Variants in TNR observed in about 807,000 individuals in gnomAD.
TNR encodes the protein tenascin R.
Under a neutral mutation model 150.4 loss-of-function variants are expected in TNR, and 45 were observed. The ratio of observed to expected loss-of-function variants is 0.30; its 90% CI spans 0.24 to 0.38. The LOEUF (loss-of-function observed/expected upper bound fraction) is 0.38. TNR is among the 10% of genes least tolerant of loss of function. The pLI is 1.00. For missense variants in TNR, 1,544 were observed against 1,759.1 expected (o/e 0.88, Z 2.19); for synonymous variants, 687 against 678.4 (o/e 1.01, Z -0.20).
intron 2 of TNR, among the ~76,000 whole-genome samples, chr1:175,467,138 G>A (rs1423700575): frequency 6.6e-6 from 1 of 152,162 alleles, no homozygotes; most frequent in Non-Finnish European, 1.5e-5. Context: ...ATTCGATGCA[G>A]AGAACAGACC....
At chr1:175,671,943 G>A (rs1390678490) in intron 1 of TNR, among the ~76,000 whole-genome samples, 2 of 151,662 alleles carry the variant, frequency 1.3e-5, no homozygotes, top group Non-Finnish European at 2.9e-5. Context: ...GTGTGTGTGT[G>A]TGTGTGTTGG....
chr1:175,419,772 G>C (rs531255042), intron 2 of TNR, among the ~76,000 whole-genome samples: 1 of 152,100 alleles, frequency 6.6e-6, no homozygotes, highest in Non-Finnish European at 1.5e-5. Context: ...GTGAGCCACC[G>C]CACCTGGCCC....
At chr1:175,696,241 TTTTC>T (rs1379532907) in intron 1 of TNR, among the ~76,000 whole-genome samples, 10 of 144,582 alleles carry the variant, frequency 6.9e-5, no homozygotes, top group African/African-American at 2.5e-4. Flanking sequence ...TTTTTTTTTT[TTTTC>T]CAAAATTTAA....
At position 175,337,629 on chromosome 1, in the gene TNR, C is replaced by T; in HGVS notation, c.3433G>A (p.Gly1145Arg). ...GGGTAAACCCCACTCAAAGTGTCTCCATTCATCAAATGCTGGGCACAGTCT... is the reference window on the plus strand; with the variant it reads ...GGGTAAACCCCACTCAAAGTGTCTCTATTCATCAAATGCTGGGCACAGTCT... ...PQDCAQHLMN[G>R]DTLSGVYPIF... Residue 1145 changes from glycine (G) to arginine (R), a missense_variant, in exon 19 of 23, where the codon GGA (glycine) becomes AGA (arginine). By Grantham distance (125) the Gly-to-Arg change is moderately radical. Coordinates refer to ENST00000367674, the MANE Select transcript of TNR (RefSeq NM_003285.3). 1 of 1,614,222 alleles carries T rather than the reference C, an allele frequency of 6.2e-7. No homozygotes were observed. The highest frequency in any genetic ancestry group is 8.5e-7 in the Non-Finnish European group (1 of 1,180,030).
rs1651429781 is a variant in TNR, at chr1:175,567,650, G to A, written c.-164-39281C>T. Among the ~76,000 whole-genome samples the A allele has an allele frequency of 2.0e-5, 3 of 152,314 alleles. No homozygotes were observed. The South Asian group carries it at 6.2e-4, about 32-fold the overall frequency. ...GTGTGGTCTTGTGGAAGAGAGTGGG[G>A]AGTGAGAAGGAGGAACCTGGGACCT... On this transcript the variant is annotated intron_variant, in intron 1 of 22. Transcript: ENST00000367674.
intron 1 of TNR, among the ~76,000 whole-genome samples, chr1:175,660,144 A>G (rs906825253): frequency 6.6e-6 from 1 of 152,184 alleles, no homozygotes; most frequent in Non-Finnish European, 1.5e-5. Flanking sequence ...CAAATTTAAA[A>G]TGAAAGCATT....
At chr1:175,396,907 T>C (rs1653455354) in intron 4 of TNR, 100 bp from the exon 5 acceptor site, 5 of 1,463,214 alleles carry the variant, frequency 3.4e-6, no homozygotes, top group Admixed American at 2.0e-5. Flanking sequence ...ATGCCATGTC[T>C]ATATGTCCTG....
At chr1:175,622,096 G>T (rs72725472) in intron 1 of TNR, among the ~76,000 whole-genome samples, 4 of 152,252 alleles carry the variant, frequency 2.6e-5, no homozygotes, top group Non-Finnish European at 5.9e-5. Context: ...ATATATGTTG[G>T]GTAAATGTTA....
chr1:175,690,450 C>G (rs978524200), intron 1 of TNR, among the ~76,000 whole-genome samples: 1 of 152,222 alleles, frequency 6.6e-6, no homozygotes. Context: ...AGGTGACAGT[C>G]ACACTGAGTC....
chr1:175,502,694 A>G (rs1487390522), intron 2 of TNR, among the ~76,000 whole-genome samples: 13 of 152,346 alleles, frequency 8.5e-5, no homozygotes, highest in East Asian at 3.9e-4. Flanking sequence ...AAAGCAATGA[A>G]TAAGAGTTAG....
chr1:175,648,040 A>T (rs867352696), intron 1 of TNR, among the ~76,000 whole-genome samples: 6 of 151,876 alleles, frequency 4.0e-5, no homozygotes, highest in African/African-American at 9.7e-5. Context: ...CTTCTCCTTG[A>T]AGCCTTCTCT....
intron 2 of TNR, among the ~76,000 whole-genome samples, chr1:175,507,824 G>T (rs1659021169): frequency 2.0e-5 from 3 of 152,230 alleles, no homozygotes; most frequent in African/African-American, 7.2e-5. Context: ...ACAAGGAGGG[G>T]CTGTTTGCTC....
rs186033061 is a variant in TNR, at chr1:175,332,364, C to T, written c.3632-2129G>A. ...ACCACATTTTTGCAGTTTTCTCTGC[C>T]CTATTTTTGTTCCCCCATTCCCTTC... On this transcript the variant is annotated intron_variant, in intron 20 of 22. Transcript: ENST00000367674. 4.6e-5 allele frequency among the ~76,000 whole-genome samples: 7 copies of T among 152,280 alleles called. No homozygotes were observed. In the East Asian group the frequency reaches 1.3e-3, roughly 29 times the overall value.
chr1:175,608,229 G>A (rs1663476682), intron 1 of TNR, among the ~76,000 whole-genome samples: 1 of 152,158 alleles, frequency 6.6e-6, no homozygotes, highest in Non-Finnish European at 1.5e-5. Flanking sequence ...TAGTAAAGTG[G>A]CACTACAACT....
intron 2 of TNR, among the ~76,000 whole-genome samples, chr1:175,409,046 C>T (rs1304247141): frequency 5.9e-5 from 9 of 152,230 alleles, no homozygotes; most frequent in African/African-American, 1.9e-4. Context: ...CTGTAAGCTC[C>T]TAAAGCCGCC....
At chr1:175,682,149 T>C (rs1353163097) in intron 1 of TNR, among the ~76,000 whole-genome samples, 2 of 152,200 alleles carry the variant, frequency 1.3e-5, no homozygotes, top group Non-Finnish European at 2.9e-5. Context: ...ACCAGGCTCA[T>C]GGTGTTGGAA....
At chr1:175,332,094 A>T (rs1649966126) in intron 20 of TNR, among the ~76,000 whole-genome samples, 1 of 152,218 alleles carries the variant, frequency 6.6e-6, no homozygotes, top group Non-Finnish European at 1.5e-5. Flanking sequence ...AGGCTGCTAC[A>T]AGTGTTGGCT....
Position 175,455,155 on chromosome 1 carries a change from T to TCCTGGAAACAG in TNR, c.-63-48389_-63-48379dup. Among the ~76,000 whole-genome samples, 4 of 152,274 alleles carry TCCTGGAAACAG rather than the reference T, an allele frequency of 2.6e-5. No homozygotes were observed. In the Middle Eastern group the frequency reaches 0.014, roughly 518 times the overall value. ...GCCAGACATGTGCATGAAGAAGCCA[T>TCCTGGAAACAG]CCTGGAAACAGATCCTCCGGTCCCC... On this transcript the variant is annotated intron_variant, in intron 2 of 22. Coordinates refer to ENST00000367674, the MANE Select transcript of TNR (RefSeq NM_003285.3).
chr1:175,464,126 C>T (rs1421681134), intron 2 of TNR, among the ~76,000 whole-genome samples: 1 of 152,222 alleles, frequency 6.6e-6, no homozygotes, highest in Non-Finnish European at 1.5e-5. Flanking sequence ...AATCTCTTTT[C>T]CTCAACACTT....
Sources: allele counts gnomAD v4.1 joint callset (sites outside exome capture counted in the v4.1 genomes callset), GRCh38; gene constraint gnomAD v4.1.1; transcripts MANE v1.5; gene names NCBI Gene and HGNC (gene_info 2026-07-23, HGNC 2026-07-21).